GPHN: variants seen among roughly 807,000 people sequenced by gnomAD.
GPHN encodes the protein gephyrin.
GPHN carries 17 observed loss-of-function variants against 95.5 expected under a neutral mutation model. The observed-to-expected ratio is 0.18, with a 90% CI of 0.12 to 0.27. GPHN has a LOEUF of 0.27. Ranked by LOEUF, GPHN falls within the 10% of genes least tolerant of loss-of-function variation. The pLI is 1.00. For synonymous variants in GPHN, 320 were observed against 322.5 expected, an observed-to-expected ratio of 0.99 and a Z score of 0.08; for missense variants, 660 against 978.1, an observed-to-expected ratio of 0.67 and a Z score of 4.34.
the GPHN span, chr14:67,303,707 C>T: frequency 7.0e-6 from 5 of 713,342 alleles, no homozygotes; most frequent in Middle Eastern, 1.5e-3. Context: ...CAAATAAATT[C>T]AATCATTTTT....
the GPHN span, chr14:67,200,158 C>T: frequency 8.6e-7 from 1 of 1,159,956 alleles, no homozygotes; most frequent in Non-Finnish European, 1.2e-6. Context: ...TCACCCAGGT[C>T]CTATGCCTCC....
intron 1 of GPHN, among the ~76,000 whole-genome samples, chr14:66,562,099 C>T (rs74898012): frequency 7.9e-5 from 12 of 152,266 alleles, no homozygotes; most frequent in East Asian, 1.9e-4. Flanking sequence ...ATAATCTCCA[C>T]ATCTCAAAAT....
chr14:66,549,456 A>G (rs1306617365), intron 1 of GPHN, among the ~76,000 whole-genome samples: 1 of 152,176 alleles, frequency 6.6e-6, no homozygotes, highest in Non-Finnish European at 1.5e-5. Flanking sequence ...TGTGAAGGTC[A>G]AGAGTGGTAT....
At chr14:67,169,160 A>G in intron 21 of GPHN, 124 bp downstream of exon 21, 1 of 722,572 alleles carries the variant, frequency 1.4e-6, no homozygotes, top group Admixed American at 2.0e-5. Flanking sequence ...ATGTGATTAT[A>G]TTCTCCCCCT....
chr14:67,306,446 G>GT, the GPHN span, among the ~76,000 whole-genome samples: 1 of 151,852 alleles, frequency 6.6e-6, no homozygotes, highest in South Asian at 2.1e-4. Context: ...CTGTGTTCAA[G>GT]CATTCTCCTG....
intron 2 of GPHN, among the ~76,000 whole-genome samples, chr14:66,751,620 A>C (rs937691473): frequency 6.6e-6 from 1 of 151,898 alleles, no homozygotes; most frequent in Non-Finnish European, 1.5e-5. Flanking sequence ...GTTTGCAAAA[A>C]TTTTCTCCCG....
the GPHN span, among the ~76,000 whole-genome samples, chr14:67,545,284 G>C: frequency 1.3e-5 from 2 of 152,172 alleles, no homozygotes; most frequent in African/African-American, 4.8e-5. Flanking sequence ...TACAAAGAAG[G>C]TTTGTACATT....
chr14:66,965,354 C>T lies in GPHN; in HGVS notation c.963+29C>T, dbSNP rs2069248295. 4 of 1,602,234 alleles carry T rather than the reference C, an allele frequency of 2.5e-6. No individual in the cohort carries two copies. The Admixed American group carries it at 5.0e-5, about 20-fold the overall frequency. On this transcript the variant is annotated intron_variant, in intron 9 of 22. Coordinates refer to ENST00000478722, the MANE Select transcript of GPHN (RefSeq NM_020806.5). ...AGTATGGTTCCTTCGCATCTTACACCTGCTCTTCTATAGTAATCTGGGAAA... is the reference window on the plus strand; with the variant it reads ...AGTATGGTTCCTTCGCATCTTACACTTGCTCTTCTATAGTAATCTGGGAAA...
At chr14:66,571,970 A>G (rs1237354048) in intron 1 of GPHN, among the ~76,000 whole-genome samples, 1 of 152,218 alleles carries the variant, frequency 6.6e-6, no homozygotes, top group East Asian at 1.9e-4. Flanking sequence ...ATAAAAGTCC[A>G]GATTTATTCT....
chr14:66,658,144 A>C (rs779587338), intron 1 of GPHN, among the ~76,000 whole-genome samples: 3 of 152,170 alleles, frequency 2.0e-5, no homozygotes, highest in Non-Finnish European at 2.9e-5. Flanking sequence ...CATTGGTGGA[A>C]AGTAGCTGCA....
At chr14:67,608,356 A>C in the GPHN span, among the ~76,000 whole-genome samples, 3 of 152,222 alleles carry the variant, frequency 2.0e-5, no homozygotes, top group Non-Finnish European at 2.9e-5. Flanking sequence ...ACATTGTATT[A>C]GGTATAAGAA....
At chr14:67,626,076 A>G in the GPHN span, among the ~76,000 whole-genome samples, 1 of 152,092 alleles carries the variant, frequency 6.6e-6, no homozygotes, top group East Asian at 1.9e-4. Context: ...AACATGGTGA[A>G]ACTCCGTCTC....
chr14:66,921,012 G>A (rs1189917869), intron 6 of GPHN, among the ~76,000 whole-genome samples: 2 of 152,052 alleles, frequency 1.3e-5, no homozygotes, highest in Admixed American at 6.5e-5. Context: ...TGGGCATTTG[G>A]GTTGGTTCCA....
the GPHN span, among the ~76,000 whole-genome samples, chr14:67,694,302 T>C: frequency 1.3e-5 from 2 of 151,568 alleles, no homozygotes; most frequent in African/African-American, 4.9e-5. Flanking sequence ...GCTCCAGGAG[T>C]GACAACTTAG....
intron 4 of GPHN, among the ~76,000 whole-genome samples, chr14:66,847,453 T>A (rs971064200): frequency 1.3e-5 from 2 of 152,056 alleles, no homozygotes; most frequent in Non-Finnish European, 2.9e-5. Flanking sequence ...TCTGAACTCC[T>A]ATTTTATTTT....
At chr14:66,586,138 A>G (rs2061409746) in intron 1 of GPHN, among the ~76,000 whole-genome samples, 1 of 152,114 alleles carries the variant, frequency 6.6e-6, no homozygotes, top group Admixed American at 6.5e-5. Context: ...CTTTACCATT[A>G]TGTAATGGCC....
chr14:67,207,915 G>A, the GPHN span, among the ~76,000 whole-genome samples: 1 of 152,212 alleles, frequency 6.6e-6, no homozygotes, highest in African/African-American at 2.4e-5. Flanking sequence ...TCACAGAGAA[G>A]TACTGTAATT....
At chr14:67,663,116 A>T in the GPHN span, 2 of 1,524,296 alleles carry the variant, frequency 1.3e-6, no homozygotes, top group South Asian at 1.2e-5. Context: ...AACGTTATTC[A>T]TTCCCCTTTC....
chr14:67,655,480 T>G, the GPHN span, among the ~76,000 whole-genome samples: 1 of 152,170 alleles, frequency 6.6e-6, no homozygotes, highest in African/African-American at 2.4e-5. Context: ...TCCACAATGA[T>G]CCAGCTTACC....
Sources: gnomAD v4.1 joint callset for allele counts (sites outside exome capture counted in the v4.1 genomes callset) on GRCh38, gnomAD v4.1.1 for gene constraint, MANE v1.5 for transcripts, NCBI Gene and HGNC (gene_info 2026-07-23, HGNC 2026-07-21) for gene names.